NEDD4L: variants seen among roughly 807,000 people sequenced by gnomAD.
The protein encoded by NEDD4L is NEDD4 like E3 ubiquitin protein ligase.
A neutral mutation model predicts 148.9 loss-of-function variants in NEDD4L; 54 were observed. The ratio of observed to expected loss-of-function variants is 0.36; its 90% confidence interval spans 0.29 to 0.45. The LOEUF (loss-of-function observed/expected upper bound fraction) is 0.45, where lower values mean the gene tolerates loss of function less well. Among genes scored for constraint, NEDD4L ranks in the 20% least tolerant of loss-of-function variants. NEDD4L has a pLI of 1.00. For synonymous variants in NEDD4L, 433 were observed against 440.7 expected, an observed-to-expected ratio of 0.98 and a Z score of 0.22; for missense variants, 856 against 1,233.8, an observed-to-expected ratio of 0.69 and a Z score of 4.59.
intron 2 of NEDD4L, among the ~76,000 whole-genome samples, chr18:58,170,079 A>G (rs2037377499): frequency 6.6e-6 from 1 of 152,142 alleles, no homozygotes; most frequent in South Asian, 2.1e-4. Flanking sequence ...AGATTGCATG[A>G]AGTGAGCCCG....
intron 5 of NEDD4L, among the ~76,000 whole-genome samples, chr18:58,261,686 T>TTG (rs2049404147): frequency 6.6e-6 from 1 of 152,244 alleles, no homozygotes; most frequent in Non-Finnish European, 1.5e-5. Context: ...TGTTGGATAG[T>TTG]TGAATGGTTT....
intron 16 of NEDD4L, among the ~76,000 whole-genome samples, chr18:58,347,205 G>GA (rs2043185902): frequency 2.5e-5 from 1 of 39,560 alleles, no homozygotes; most frequent in Non-Finnish European, 4.6e-5. Context: ...TCACGCTACG[G>GA]CCCCCCCCGC....
At chr18:58,096,435 G>C (rs1242415775) in intron 1 of NEDD4L, among the ~76,000 whole-genome samples, 2 of 147,578 alleles carry the variant, frequency 1.4e-5, no homozygotes, top group Non-Finnish European at 3.0e-5. Flanking sequence ...ACAGAGTCTT[G>C]CTCTGTCACC....
In NEDD4L at chr18:58,082,079, A is replaced by AATATATACACACAC. The variant is rs1378443130; in HGVS notation, c.48+37378_48+37379insCACACACATATATA. Among the ~76,000 whole-genome samples, 26 of 89,946 alleles carry AATATATACACACAC rather than the reference A, an allele frequency of 2.9e-4. 1 individual carries two copies. The highest frequency in any genetic ancestry group is 1.4e-3 in the African/African-American group (24 of 17,372). 59.0% of individuals were successfully genotyped at this position (89,946 alleles called of 152,430 possible). On this transcript the variant is annotated intron_variant, in intron 1 of 30. Transcript: ENST00000400345. Reference sequence around the variant, plus strand: ...TTTTTATTCTAATTGCTTTCTGATGAATATATATATATATATATATATATT... The same window carrying AATATATACACACAC: ...TTTTTATTCTAATTGCTTTCTGATGAATATATACACACACATATATATATATATATATATATATT...
chr18:58,054,774 T>G (rs977569353), intron 1 of NEDD4L: 4 of 152,254 alleles, frequency 2.6e-5, no homozygotes, highest in African/African-American at 9.7e-5. Context: ...CACCAGAAGA[T>G]AAATGAATGT....
intron 15 of NEDD4L, 98 bp downstream of exon 15, chr18:58,341,895 C>G: frequency 7.3e-7 from 1 of 1,367,528 alleles, no homozygotes; most frequent in Admixed American, 2.0e-5. Context: ...GCCACCTCCT[C>G]TCTCTGATCA....
chr18:58,215,119 T>G (rs1481083535), intron 2 of NEDD4L, among the ~76,000 whole-genome samples: 1 of 152,138 alleles, frequency 6.6e-6, no homozygotes, highest in Non-Finnish European at 1.5e-5. Flanking sequence ...GCCTGGTGTT[T>G]CGTGATATAT....
intron 6 of NEDD4L, among the ~76,000 whole-genome samples, chr18:58,318,574 C>A (rs1444025123): frequency 1.3e-5 from 2 of 152,214 alleles, no homozygotes; most frequent in Non-Finnish European, 2.9e-5. Flanking sequence ...CATTCAGAGA[C>A]CAAGAGCAAA....
chr18:58,298,573 A>G (rs1368995783), intron 5 of NEDD4L, among the ~76,000 whole-genome samples: 2 of 152,226 alleles, frequency 1.3e-5, no homozygotes, highest in Non-Finnish European at 1.5e-5. Flanking sequence ...CGTTTAGAAC[A>G]TTGCTTTAAA....
intron 12 of NEDD4L, among the ~76,000 whole-genome samples, chr18:58,334,597 A>G (rs929500769): frequency 2.6e-5 from 4 of 152,224 alleles, no homozygotes; most frequent in African/African-American, 9.6e-5. Context: ...AATGTGTTCA[A>G]TTTGATATTT....
intron 12 of NEDD4L, among the ~76,000 whole-genome samples, chr18:58,334,284 A>T (rs769402554): frequency 6.6e-6 from 1 of 152,212 alleles, no homozygotes; most frequent in Non-Finnish European, 1.5e-5. Flanking sequence ...GACCGTCCAC[A>T]TGTTCCTTTC....
At chr18:58,194,984 G>A (rs2040500356) in intron 2 of NEDD4L, among the ~76,000 whole-genome samples, 1 of 152,262 alleles carries the variant, frequency 6.6e-6, no homozygotes, top group Admixed American at 6.5e-5. Flanking sequence ...CACGAAGCTA[G>A]TGGAGATGGG....
chr18:58,143,373 G>A (rs2033759762), intron 1 of NEDD4L, among the ~76,000 whole-genome samples: 1 of 152,184 alleles, frequency 6.6e-6, no homozygotes. Flanking sequence ...AGTTGTATCA[G>A]CTGCAGTGTC....
chr18:58,238,819 T>C (rs1174647788), intron 2 of NEDD4L, among the ~76,000 whole-genome samples: 1 of 152,220 alleles, frequency 6.6e-6, no homozygotes, highest in Non-Finnish European at 1.5e-5. Context: ...CTTCCAGTAG[T>C]AGAGTATTAA....
chr18:58,307,464 C>G (rs926668304), intron 5 of NEDD4L, among the ~76,000 whole-genome samples: 2 of 152,240 alleles, frequency 1.3e-5, no homozygotes, highest in Non-Finnish European at 2.9e-5. Flanking sequence ...GCAGATCTAA[C>G]TAGAATGCCA....
intron 1 of NEDD4L, among the ~76,000 whole-genome samples, chr18:58,086,142 T>A (rs746865528): frequency 6.6e-6 from 1 of 152,230 alleles, no homozygotes; most frequent in Non-Finnish European, 1.5e-5. Flanking sequence ...CTGACTCCAT[T>A]GAGCTCTGTA....
chr18:58,117,531 A>G (rs554192), intron 1 of NEDD4L, among the ~76,000 whole-genome samples: 56,312 of 152,084 alleles, frequency 0.37, 10,877 homozygotes, highest in East Asian at 0.52. Flanking sequence ...TATGAAAACC[A>G]TCCTCATCGC....
chr18:58,322,848 G>GGT (rs1261381720), intron 7 of NEDD4L, among the ~76,000 whole-genome samples: 1 of 117,320 alleles, frequency 8.5e-6, no homozygotes. Context: ...GCGTGCTGTG[G>GGT]ATATGGGTGG....
chr18:58,242,099 A>G (rs2046702992), intron 2 of NEDD4L, among the ~76,000 whole-genome samples: 1 of 150,282 alleles, frequency 6.7e-6, no homozygotes, highest in Non-Finnish European at 1.5e-5. Context: ...CACTGTATGA[A>G]TAATGAGGAG....
Sources: gnomAD v4.1 joint callset for allele counts (sites outside exome capture counted in the v4.1 genomes callset) on GRCh38, gnomAD v4.1.1 for gene constraint, MANE v1.5 for transcripts, NCBI Gene and HGNC (gene_info 2026-07-23, HGNC 2026-07-21) for gene names.